EVI5: variants seen among roughly 807,000 people sequenced by gnomAD.
The protein encoded by EVI5 is ecotropic viral integration site 5, also known as ecotropic viral integration site 5 protein homolog.
In EVI5, 73 loss-of-function variants were observed where a neutral mutation model predicts 112.0. That is an observed-to-expected ratio of 0.65 (90% confidence interval 0.54 to 0.79). The LOEUF (loss-of-function observed/expected upper bound fraction) is 0.79. Ranked by LOEUF, EVI5 falls within the 30% of genes least tolerant of loss-of-function variation. The probability of loss-of-function intolerance (pLI) is 0.00; values close to 1 mark genes in which losing one functional copy is unlikely to be tolerated. For synonymous variants in EVI5, 305 were observed against 319.9 expected (o/e 0.95, Z 0.50); for missense variants, 900 against 968.8 (o/e 0.93, Z 0.94).
intron 2 of EVI5, among the ~76,000 whole-genome samples, chr1:92,719,281 A>T (rs372737411): frequency 2.0e-5 from 3 of 147,918 alleles, no homozygotes; most frequent in Admixed American, 2.0e-4. Flanking sequence ...CATGAACATC[A>T]ATGTGAAAAT....
chr1:92,592,884 T>C (rs1674227911), intron 18 of EVI5, among the ~76,000 whole-genome samples: 1 of 152,118 alleles, frequency 6.6e-6, no homozygotes, highest in African/African-American at 2.4e-5. Context: ...AAGTTGAATC[T>C]CTGAATAGAC....
intron 13 of EVI5, among the ~76,000 whole-genome samples, chr1:92,652,773 G>C (rs1472280127): frequency 6.6e-6 from 1 of 152,162 alleles, no homozygotes; most frequent in African/African-American, 2.4e-5. Context: ...GAAGAACCAA[G>C]GTTACAAGTG....
intron 13 of EVI5, among the ~76,000 whole-genome samples, chr1:92,652,544 C>T (rs920582173): frequency 3.3e-5 from 5 of 152,264 alleles, no homozygotes; most frequent in African/African-American, 1.2e-4. Flanking sequence ...CCACTGCTGG[C>T]TCCAAAAGAA....
intron 13 of EVI5, among the ~76,000 whole-genome samples, chr1:92,639,741 A>G (rs910949406): frequency 5.3e-5 from 8 of 152,192 alleles, no homozygotes; most frequent in Non-Finnish European, 1.2e-4. Flanking sequence ...TACCATTGAC[A>G]TTCTTCACAG....
intron 1 of EVI5, among the ~76,000 whole-genome samples, chr1:92,737,603 T>C (rs1046292836): frequency 7.1e-5 from 10 of 140,204 alleles, no homozygotes; most frequent in African/African-American, 1.3e-4. Flanking sequence ...GCAATCCATA[T>C]GAACATATGT....
At chr1:92,678,861 A>T (rs778727841) in intron 9 of EVI5, among the ~76,000 whole-genome samples, 3 of 152,210 alleles carry the variant, frequency 2.0e-5, no homozygotes, top group Non-Finnish European at 2.9e-5. Context: ...CAACTTTTTA[A>T]TATAAGTTGT....
At chr1:92,688,675 G>A (rs1668980576) in intron 9 of EVI5, among the ~76,000 whole-genome samples, 2 of 152,204 alleles carry the variant, frequency 1.3e-5, no homozygotes, top group Admixed American at 6.5e-5. Flanking sequence ...AAAGACTATA[G>A]ATAGAAATTG....
rs1344228913 is a variant in EVI5 at position 92,661,469 on chromosome 1, C to T, written c.1392+1250G>A. On this transcript the variant is annotated intron_variant, in intron 13 of 19. Coordinates refer to ENST00000684568, the MANE Select transcript of EVI5 (RefSeq NM_001350197.2). ...TGATTCTAATGTATTATGACTGTAG[C>T]TTATGCTAAATGCAAACAATACTTA... is the stretch of plus-strand genomic sequence containing the variant. Among the ~76,000 whole-genome samples, 23 of 152,024 alleles carry T rather than the reference C, an allele frequency of 1.5e-4. 1 individual carries two copies. The highest frequency in any genetic ancestry group is 1.5e-3 in the Admixed American group (23 of 15,262).
In EVI5 at chr1:92,677,151, T is replaced by G; in HGVS notation, c.1158+7A>C. 1 of 1,566,888 alleles carries G rather than the reference T, an allele frequency of 6.4e-7. No homozygotes were observed. Among genetic ancestry groups the G allele is most frequent in the South Asian group, 1.1e-5 (1 of 87,492 alleles). On this transcript the variant is annotated splice_region_variant and intron_variant, in intron 10 of 19. Transcript: ENST00000684568. ...ATCAGTACTTTAAAAAGCCCCCAAC[T>G]GCTTACTTTAATTTCAACTTGCTCT...
In EVI5 at chr1:92,666,007, A is replaced by G; in HGVS notation, c.1159-15T>C. The G allele has an allele frequency of 1.3e-6, 2 of 1,582,856 alleles. No individual in the cohort carries two copies. Among genetic ancestry groups the G allele is most frequent in the South Asian group, 1.2e-5 (1 of 85,298 alleles). On this transcript the variant is annotated splice_polypyrimidine_tract_variant and intron_variant, in intron 10 of 19. Transcript: ENST00000684568. The stretch of plus-strand genomic sequence containing the variant: ...GTGCGTAACCTCTGCCAAGAAAAAA[A>G]AAGTTTTATTTGCAAGCATTTTTGA...
intron 1 of EVI5, among the ~76,000 whole-genome samples, chr1:92,753,393 C>A (rs1206942393): frequency 6.6e-6 from 1 of 152,056 alleles, no homozygotes; most frequent in Non-Finnish European, 1.5e-5. Context: ...ATAAGGCAAG[C>A]CACAAATGCA....
intron 18 of EVI5, among the ~76,000 whole-genome samples, chr1:92,597,664 G>A (rs776764941): frequency 2.6e-5 from 4 of 152,190 alleles, no homozygotes; most frequent in Non-Finnish European, 4.4e-5. Context: ...GAAGATGAAT[G>A]AATTATTGTC....
At chr1:92,570,869 G>T (rs1185918710) in intron 18 of EVI5, among the ~76,000 whole-genome samples, 1 of 152,032 alleles carries the variant, frequency 6.6e-6, no homozygotes, top group African/African-American at 2.4e-5. Flanking sequence ...AGCATTTGAT[G>T]AAAAACAGTG....
chr1:92,660,238 T>A (rs750618896), intron 13 of EVI5, among the ~76,000 whole-genome samples: 2 of 152,138 alleles, frequency 1.3e-5, no homozygotes, highest in Admixed American at 1.3e-4. Flanking sequence ...ATAACACTAT[T>A]GAGCCATTTT....
chr1:92,553,419 C>T (rs1418549188), intron 19 of EVI5, among the ~76,000 whole-genome samples: 1 of 151,178 alleles, frequency 6.6e-6, no homozygotes, highest in African/African-American at 2.4e-5. Context: ...TCTCCTGCCT[C>T]AGCCTCTCCA....
intron 19 of EVI5, among the ~76,000 whole-genome samples, chr1:92,531,056 T>C (rs12069582): frequency 0.025 from 3,727 of 151,904 alleles, 169 homozygotes; most frequent in African/African-American, 0.085. Context: ...GTCAGATGAA[T>C]TGCGAACTAG....
At chr1:92,599,254 T>C (rs1038216609) in intron 18 of EVI5, among the ~76,000 whole-genome samples, 3 of 151,908 alleles carry the variant, frequency 2.0e-5, no homozygotes, top group African/African-American at 7.2e-5. Context: ...AATAATTTAT[T>C]AAAAGAAGAG....
chr1:92,516,134 A>G (rs1659832366), intron 19 of EVI5, among the ~76,000 whole-genome samples: 2 of 152,180 alleles, frequency 1.3e-5, no homozygotes, highest in Non-Finnish European at 2.9e-5. Context: ...TGCAACACAC[A>G]ATTTATAGCT....
At chr1:92,732,915 A>C (rs1246915623) in intron 2 of EVI5, among the ~76,000 whole-genome samples, 2 of 144,534 alleles carry the variant, frequency 1.4e-5, no homozygotes, top group African/African-American at 5.5e-5. Flanking sequence ...AAAAAAAAAA[A>C]AAAATTACAC....
Sources: allele counts gnomAD v4.1 joint callset (sites outside exome capture counted in the v4.1 genomes callset), GRCh38; gene constraint gnomAD v4.1.1; transcripts MANE v1.5; gene names NCBI Gene and HGNC (gene_info 2026-07-23, HGNC 2026-07-21).